Variants in EYS observed in about 807,000 individuals in gnomAD.
The protein encoded by EYS is EGF-like photoreceptor maintenance factor.
EYS carries 250 observed loss-of-function variants against 282.1 expected under a neutral mutation model. The observed-to-expected ratio is 0.89, with a 90% CI of 0.80 to 0.98. The LOEUF (loss-of-function observed/expected upper bound fraction) is 0.98, where lower values mean the gene tolerates loss of function less well. Among genes scored for constraint, EYS ranks in the 50% least tolerant of loss-of-function variants. The probability of loss-of-function intolerance (pLI) is 0.00; values close to 1 mark genes in which losing one functional copy is unlikely to be tolerated. For missense variants in EYS, 4,016 were observed against 3,709.0 expected, an observed-to-expected ratio of 1.08 and a Z score of -2.15; for synonymous variants, 1,355 against 1,282.9, an observed-to-expected ratio of 1.06 and a Z score of -1.20.
chr6:63,831,561 A>G lies in EYS; in HGVS notation c.7229-25189T>C, dbSNP rs552948031. On this transcript the variant is annotated intron_variant, in intron 36 of 42. Transcript: ENST00000503581. ...ACCCAATACAGGAGTACCCAGATTC[A>G]TAAAGCAAGTCCTTAGAGACCTACA... is the stretch of plus-strand genomic sequence containing the variant. Among the ~76,000 whole-genome samples the G allele has an allele frequency of 3.9e-5, 6 of 152,352 alleles. No individual in the cohort carries two copies. The South Asian group carries it at 1.2e-3, about 32-fold the overall frequency.
chr6:64,366,116 A>T (rs112508760), intron 29 of EYS, among the ~76,000 whole-genome samples: 35 of 152,130 alleles, frequency 2.3e-4, no homozygotes, highest in African/African-American at 7.2e-4. Context: ...TAATTTTTTC[A>T]GGTTGAATTT....
At chr6:65,238,715 G>A (rs1017885878) in intron 12 of EYS, among the ~76,000 whole-genome samples, 15 of 151,898 alleles carry the variant, frequency 9.9e-5, no homozygotes, top group Middle Eastern at 3.2e-3. Context: ...AAAATTCAGA[G>A]CAAAACCTTT....
At chr6:65,242,733 C>G (rs1395120695) in intron 12 of EYS, among the ~76,000 whole-genome samples, 1 of 152,080 alleles carries the variant, frequency 6.6e-6, no homozygotes, top group African/African-American at 2.4e-5. Context: ...TACATTTTCA[C>G]TAGCAACATA....
intron 41 of EYS, among the ~76,000 whole-genome samples, chr6:63,747,705 C>CT (rs533170531): frequency 2.1e-3 from 322 of 151,774 alleles, no homozygotes; most frequent in Non-Finnish European, 3.2e-3. Flanking sequence ...ATGTAATGTC[C>CT]TTTTTTTTGT....
intron 19 of EYS, among the ~76,000 whole-genome samples, chr6:64,850,111 G>C (rs891406332): frequency 1.3e-5 from 2 of 152,156 alleles, no homozygotes; most frequent in Admixed American, 6.6e-5. Context: ...ATTGTTGGTA[G>C]TAGTAGAAGA....
chr6:64,915,891 T>A (rs1768144977), intron 15 of EYS, among the ~76,000 whole-genome samples: 2 of 152,146 alleles, frequency 1.3e-5, no homozygotes, highest in African/African-American at 4.8e-5. Context: ...AGAATCCAGA[T>A]CTCCTCCTCT....
chr6:64,821,732 CAGAATT>C lies in EYS; in HGVS notation c.3165-15_3165-10del. 1 of 1,457,262 alleles carries C rather than the reference CAGAATT, an allele frequency of 6.9e-7. No individual in the cohort carries two copies. Among genetic ancestry groups the C allele is most frequent in the Non-Finnish European group, 9.4e-7 (1 of 1,066,112 alleles). 90.3% of individuals were successfully genotyped at this position (1,457,262 alleles called of 1,614,324 possible). On this transcript the variant is annotated splice_polypyrimidine_tract_variant and intron_variant, in intron 20 of 42. Coordinates refer to ENST00000503581, the MANE Select transcript of EYS (RefSeq NM_001142800.2). ...TAATAAGTTCTGTGCACCTGAAACA[CAGAATT>C]AGAATTACATTTTCAAATAAGTAGA...
intron 28 of EYS, among the ~76,000 whole-genome samples, chr6:64,404,848 G>C (rs547151097): frequency 1.6e-4 from 25 of 152,122 alleles, no homozygotes; most frequent in African/African-American, 5.6e-4. Context: ...GGGGCAGAAC[G>C]TAAGAAGGCA....
At chr6:63,851,671 A>G (rs1772254076) in intron 36 of EYS, among the ~76,000 whole-genome samples, 1 of 152,208 alleles carries the variant, frequency 6.6e-6, no homozygotes, top group Non-Finnish European at 1.5e-5. Flanking sequence ...CAGCCAAAGC[A>G]GTGTTTAGAG....
chr6:63,871,174 T>A (rs539395550), intron 35 of EYS, among the ~76,000 whole-genome samples: 43 of 152,234 alleles, frequency 2.8e-4, no homozygotes, highest in Admixed American at 6.5e-5. Flanking sequence ...ATTTGAAGCA[T>A]AGAGTATAAG....
chr6:65,465,992 A>G (rs1339688210), intron 5 of EYS, among the ~76,000 whole-genome samples: 1 of 152,032 alleles, frequency 6.6e-6, no homozygotes, highest in Non-Finnish European at 1.5e-5. Flanking sequence ...CAATCAATCA[A>G]TCAATCAATA....
intron 19 of EYS, among the ~76,000 whole-genome samples, chr6:64,833,700 G>A (rs1583205436): frequency 6.6e-6 from 1 of 151,966 alleles, no homozygotes; most frequent in African/African-American, 2.4e-5. Flanking sequence ...AAATGAATGA[G>A]TCAGGCTTTA....
At chr6:65,232,995 C>T (rs72883246) in intron 12 of EYS, among the ~76,000 whole-genome samples, 36,228 of 152,026 alleles carry the variant, frequency 0.24, 4,491 homozygotes, top group Middle Eastern at 0.28. Context: ...TTTTTCATTT[C>T]AGTTCATTAA....
At chr6:64,685,228 T>C (rs1770049157) in intron 22 of EYS, among the ~76,000 whole-genome samples, 1 of 152,154 alleles carries the variant, frequency 6.6e-6, no homozygotes, top group African/African-American at 2.4e-5. Context: ...AAAAATATAT[T>C]AATCCTAAAT....
intron 22 of EYS, among the ~76,000 whole-genome samples, chr6:64,745,985 G>C (rs1016630908): frequency 1.3e-5 from 2 of 152,024 alleles, no homozygotes; most frequent in African/African-American, 4.8e-5. Flanking sequence ...AGGGAATGCA[G>C]AACAGGCACT....
chr6:64,052,247 A>G (rs1413016845), intron 33 of EYS, among the ~76,000 whole-genome samples: 1 of 152,194 alleles, frequency 6.6e-6, no homozygotes, highest in Non-Finnish European at 1.5e-5. Context: ...TCCTGAGCCT[A>G]GGAATAAACC....
At chr6:64,508,600 G>A (rs116648981) in intron 26 of EYS, among the ~76,000 whole-genome samples, 3,532 of 146,534 alleles carry the variant, frequency 0.024, 139 homozygotes, top group African/African-American at 0.084. Flanking sequence ...ATTGGGCTTG[G>A]ACTCAAGTGC....
intron 30 of EYS, among the ~76,000 whole-genome samples, chr6:64,262,692 G>C (rs1025441583): frequency 6.6e-6 from 1 of 151,792 alleles, no homozygotes; most frequent in Non-Finnish European, 1.5e-5. Flanking sequence ...TACTATTTTT[G>C]TTATCTTAAA....
intron 2 of EYS, among the ~76,000 whole-genome samples, chr6:65,520,784 T>C (rs1294776822): frequency 2.0e-5 from 3 of 152,128 alleles, no homozygotes; most frequent in Non-Finnish European, 2.9e-5. Context: ...AGTGTCATTG[T>C]CTGCAATGCT....
Sources: gnomAD v4.1 joint callset for allele counts (sites outside exome capture counted in the v4.1 genomes callset) on GRCh38, gnomAD v4.1.1 for gene constraint, MANE v1.5 for transcripts, NCBI Gene and HGNC (gene_info 2026-07-23, HGNC 2026-07-21) for gene names.